ELFN1: variants seen among roughly 807,000 people sequenced by gnomAD.
ELFN1 encodes extracellular leucine rich repeat and fibronectin type III domain containing 1.
In ELFN1, 6 loss-of-function variants were observed where a neutral mutation model predicts 7.6. The ratio of observed to expected loss-of-function variants is 0.79; its 90% CI spans 0.43 to 1.56. The LOEUF (loss-of-function observed/expected upper bound fraction) is 1.56, where lower values mean the gene tolerates loss of function less well. ELFN1 is among the 40% of genes most tolerant of loss of function. The probability of loss-of-function intolerance (pLI) is 0.01; values close to 1 mark genes in which losing one functional copy is unlikely to be tolerated. For missense variants in ELFN1, 1,169 were observed against 1,232.2 expected, an observed-to-expected ratio of 0.95 and a Z score of 0.77; for synonymous variants, 657 against 588.1, an observed-to-expected ratio of 1.12 and a Z score of -1.70.
chr7:1,720,036 C>A (rs1172226986), intron 3 of ELFN1, among the ~76,000 whole-genome samples: 1 of 152,162 alleles, frequency 6.6e-6, no homozygotes, highest in Non-Finnish European at 1.5e-5. Context: ...GCCCCAGCCA[C>A]CCGGCATTCC....
chr7:1,704,445 A>G (rs767464165), intron 2 of ELFN1, among the ~76,000 whole-genome samples: 1 of 152,156 alleles, frequency 6.6e-6, no homozygotes, highest in African/African-American at 2.4e-5. Context: ...GCACACCTGC[A>G]TGCACACACA....
chr7:1,676,058 G>A (rs1026636015), intron 1 of ELFN1, among the ~76,000 whole-genome samples: 3 of 152,196 alleles, frequency 2.0e-5, no homozygotes, highest in African/African-American at 4.8e-5. Flanking sequence ...GGGGGACTGG[G>A]ATGCTTCCCG....
chr7:1,696,500 T>TC (rs1779317213), intron 2 of ELFN1, among the ~76,000 whole-genome samples: 2 of 150,744 alleles, frequency 1.3e-5, no homozygotes, highest in South Asian at 4.3e-4. Context: ...CAAGCCATCC[T>TC]CCCACCTCAG....
Position 1,670,760 on chromosome 7 carries a change from C to T in ELFN1, c.-549+406C>T, listed in dbSNP as rs1378769840. Among the ~76,000 whole-genome samples, 1 of 152,166 alleles carries T rather than the reference C, an allele frequency of 6.6e-6. No homozygotes were observed. Among genetic ancestry groups the T allele is most frequent in the Non-Finnish European group, 1.5e-5 (1 of 68,016 alleles). Reference sequence around the variant, plus strand: ...CCCTTCCCGGAAATTAGGGGGCTGTCCTCACCTCCTGGCCGAGTCGCTGAC... The same window carrying T: ...CCCTTCCCGGAAATTAGGGGGCTGTTCTCACCTCCTGGCCGAGTCGCTGAC... On this transcript the variant is annotated intron_variant, in intron 1 of 3. Transcript: ENST00000424383. This position sits in a 1 kb window ranked among gnomAD's most constrained non-coding sequence, Gnocchi z 6.4.
chr7:1,686,837 G>A (rs1199191756), intron 1 of ELFN1, among the ~76,000 whole-genome samples: 3 of 152,010 alleles, frequency 2.0e-5, no homozygotes, highest in African/African-American at 7.3e-5. Context: ...GGCTTATCAG[G>A]TATCTCTATG....
intron 1 of ELFN1, among the ~76,000 whole-genome samples, chr7:1,682,720 C>G (rs894688853): frequency 6.7e-6 from 1 of 148,840 alleles, no homozygotes; most frequent in South Asian, 2.1e-4. Flanking sequence ...ACTTTTATTT[C>G]TTTTTCTTGC....
At position 1,690,751 on chromosome 7, in the gene ELFN1, AGGTG is replaced by A. The variant is rs576679451; in HGVS notation, c.-456+2611_-456+2614del. Among the ~76,000 whole-genome samples the A allele has an allele frequency of 3.0e-3, 418 of 138,366 alleles. 1 individual carries two copies. The highest frequency in any genetic ancestry group is 4.2e-3 in the Non-Finnish European group (266 of 63,588). 90.8% of individuals were successfully genotyped at this position (138,366 alleles called of 152,430 possible). On this transcript the variant is annotated intron_variant, in intron 2 of 3. Coordinates refer to ENST00000424383, the MANE Select transcript of ELFN1 (RefSeq NM_001128636.4). The stretch of plus-strand genomic sequence containing the variant: ...CGGGTGTGTGAATTGATGAATGGAT[AGGTG>A]GGTGGGTGGATGGATGGATGGGTGG...
intron 1 of ELFN1, among the ~76,000 whole-genome samples, chr7:1,672,889 C>G (rs1778793676): frequency 6.6e-6 from 1 of 152,048 alleles, no homozygotes; most frequent in African/African-American, 2.4e-5. Context: ...CCTCGAGATG[C>G]CCGGGTGGGT....
chr7:1,714,573 T>C (rs1487314504), intron 3 of ELFN1, among the ~76,000 whole-genome samples: 4 of 152,274 alleles, frequency 2.6e-5, no homozygotes, highest in African/African-American at 7.2e-5. Context: ...AACAAAACAA[T>C]GTTATTAAAT....
At chr7:1,678,327 A>G (rs1778910732) in intron 1 of ELFN1, among the ~76,000 whole-genome samples, 1 of 152,130 alleles carries the variant, frequency 6.6e-6, no homozygotes, top group Non-Finnish European at 1.5e-5. Context: ...AGGGCACCTG[A>G]GCCTCACACC....
At chr7:1,693,641 G>A (rs1779228391) in intron 2 of ELFN1, 1 of 471,128 alleles carries the variant, frequency 2.1e-6, no homozygotes, top group Admixed American at 2.3e-5. Flanking sequence ...CAGTCCGTGT[G>A]AACACATGCA....
At chr7:1,719,783 T>A (rs981288455) in intron 3 of ELFN1, among the ~76,000 whole-genome samples, 6 of 151,510 alleles carry the variant, frequency 4.0e-5, no homozygotes, top group Middle Eastern at 3.2e-3. Context: ...GGGCCTCCCC[T>A]ACCATCACCT....
At chr7:1,729,852 T>C (rs1780290110) in intron 3 of ELFN1, among the ~76,000 whole-genome samples, 1 of 152,254 alleles carries the variant, frequency 6.6e-6, no homozygotes, top group South Asian at 2.1e-4. Context: ...ATTCATTTTG[T>C]ATTGTCTGTG....
chr7:1,723,674 C>T (rs1004163615), intron 3 of ELFN1, among the ~76,000 whole-genome samples: 9 of 152,080 alleles, frequency 5.9e-5, no homozygotes, highest in Non-Finnish European at 8.8e-5. Flanking sequence ...GGCTTGGGCT[C>T]GTGGGCCACG....
intron 3 of ELFN1, 88 bp from the exon 4 acceptor site, chr7:1,744,216 G>A (rs747040783): frequency 1.6e-5 from 4 of 245,684 alleles, no homozygotes; most frequent in Non-Finnish European, 2.3e-5. Context: ...GGCCACATTG[G>A]GATGCCGCCG....
chr7:1,744,232 A>C, intron 3 of ELFN1, 72 bp from the exon 4 acceptor site: 1 of 271,750 alleles, frequency 3.7e-6, no homozygotes, highest in Non-Finnish European at 6.8e-6. Flanking sequence ...CGCCGCTGTG[A>C]GATGCCGGCC....
intron 3 of ELFN1, among the ~76,000 whole-genome samples, chr7:1,709,840 C>T (rs1779613938): frequency 6.6e-6 from 1 of 152,220 alleles, no homozygotes; most frequent in African/African-American, 2.4e-5. Context: ...TGTGTCTTTT[C>T]TGAGTTTCAT....
intron 1 of ELFN1, among the ~76,000 whole-genome samples, chr7:1,671,020 C>A (rs1333170729): frequency 6.6e-6 from 1 of 152,210 alleles, no homozygotes; most frequent in African/African-American, 2.4e-5. Flanking sequence ...TCGTCCTCGT[C>A]CCTCTGGGGG....
intron 3 of ELFN1, among the ~76,000 whole-genome samples, chr7:1,720,296 G>A (rs1779980051): frequency 1.3e-5 from 2 of 152,130 alleles, no homozygotes; most frequent in Admixed American, 1.3e-4. Flanking sequence ...CAGCCGGTGG[G>A]CAGACGTCTC....
Sources: allele counts gnomAD v4.1 joint callset (sites outside exome capture counted in the v4.1 genomes callset), GRCh38; gene constraint gnomAD v4.1.1; non-coding constraint Gnocchi (gnomAD v3.1); transcripts MANE v1.5; gene names NCBI Gene and HGNC (gene_info 2026-07-23, HGNC 2026-07-21).